Variants in IL1RAP observed in about 807,000 individuals in gnomAD.
IL1RAP encodes the protein interleukin 1 receptor accessory protein.
IL1RAP carries 35 observed loss-of-function variants against 60.7 expected under a neutral mutation model. The ratio of observed to expected loss-of-function variants is 0.58; its 90% CI spans 0.44 to 0.76. The LOEUF (loss-of-function observed/expected upper bound fraction) is 0.76, where lower values mean the gene tolerates loss of function less well. Ranked by LOEUF, IL1RAP falls within the 30% of genes least tolerant of loss-of-function variation. IL1RAP has a pLI of 0.00. For missense variants in IL1RAP, 572 were observed against 693.9 expected (o/e 0.82, Z 1.97); for synonymous variants, 268 against 250.9 (o/e 1.07, Z -0.64).
At position 190,564,289 on chromosome 3, in the gene IL1RAP, G is replaced by A. The variant is rs764268870; in HGVS notation, c.-1G>A. On this transcript the variant is annotated splice_region_variant and 5_prime_UTR_variant, in exon 3 of 12. Transcript: ENST00000447382. ...CTTACCTTTGTATTTATGGTTACAG[G>A]ATGACACTTCTGTGGTGTGTAGTGA... The A allele has an allele frequency of 1.9e-6, 3 of 1,603,756 alleles. No homozygotes were observed. Among genetic ancestry groups the A allele is most frequent in the Non-Finnish European group, 1.7e-6 (2 of 1,170,812 alleles).
chr3:190,622,670 A>G (rs945699620), intron 6 of IL1RAP, among the ~76,000 whole-genome samples: 3 of 152,198 alleles, frequency 2.0e-5, no homozygotes, highest in African/African-American at 7.2e-5. Context: ...ATTCAAATGA[A>G]CATCCAGCTG....
intron 9 of IL1RAP, among the ~76,000 whole-genome samples, chr3:190,638,369 C>A (rs1733390540): frequency 1.3e-5 from 2 of 152,122 alleles, no homozygotes; most frequent in Admixed American, 6.5e-5. Flanking sequence ...TCTCAAAATA[C>A]TGAGCACTTA....
At chr3:190,554,385 C>A (rs973887988) in intron 1 of IL1RAP, among the ~76,000 whole-genome samples, 2 of 152,302 alleles carry the variant, frequency 1.3e-5, no homozygotes, top group African/African-American at 4.8e-5. Context: ...GCTCCTCCCC[C>A]CTGCAAATGG....
In IL1RAP at chr3:190,643,010, A is replaced by G. The variant is rs116633400; in HGVS notation, c.1052-1238A>G. Among the ~76,000 whole-genome samples the G allele has an allele frequency of 7.0e-3, 1,060 of 152,340 alleles. 9 individuals carry two copies. The highest frequency in any genetic ancestry group is 0.024 in the African/African-American group (977 of 41,572). Reference sequence around the variant, plus strand: ...ACTTCTAAATATCCCAGAAGTGTAAAATCTTATATGTGGAAATGTTCATTG... The same window carrying G: ...ACTTCTAAATATCCCAGAAGTGTAAGATCTTATATGTGGAAATGTTCATTG... On this transcript the variant is annotated intron_variant, in intron 9 of 11. Coordinates refer to ENST00000447382, the MANE Select transcript of IL1RAP (RefSeq NM_002182.4).
At chr3:190,581,049 G>C (rs1245301515) in intron 3 of IL1RAP, among the ~76,000 whole-genome samples, 2 of 152,140 alleles carry the variant, frequency 1.3e-5, no homozygotes, top group Admixed American at 1.3e-4. Context: ...GTCTTCAGAG[G>C]ACTCAGCCCT....
Position 190,596,333 on chromosome 3 carries a change from C to G in IL1RAP, c.65-7795C>G, listed in dbSNP as rs909631361. 4.0e-5 allele frequency among the ~76,000 whole-genome samples: 6 copies of G among 151,480 alleles called. No individual in the cohort carries two copies. In the South Asian group the frequency reaches 1.3e-3, roughly 32 times the overall value. ...TGAGGATACATTTGGGACAAACATC[C>G]TAGCTCTATAGTCAGGCAGCTTTTT... On this transcript the variant is annotated intron_variant, in intron 3 of 11. Coordinates refer to ENST00000447382, the MANE Select transcript of IL1RAP (RefSeq NM_002182.4).
chr3:190,609,066 C>T lies in IL1RAP; in HGVS notation c.422C>T (p.Pro141Leu). The T allele has an allele frequency of 6.2e-7, 1 of 1,613,120 alleles. No individual in the cohort carries two copies. Among genetic ancestry groups the T allele is most frequent in the East Asian group, 2.2e-5 (1 of 44,810 alleles). Residue 141 changes from proline (P) to leucine (L), a missense_variant, in exon 5 of 12, where the codon CCC (proline) becomes CTC (leucine). By Grantham distance (98) the Pro-to-Leu change is moderately conservative. Transcript: ENST00000447382. ...VVQKDSCFNSPMKLPVHKLYI... is the reference protein window; with the variant it reads ...VVQKDSCFNSLMKLPVHKLYI... ...CAAAAAGACAGCTGTTTCAATTCCC[C>T]CATGAAACTCCCAGTGCATAAACTG...
At chr3:190,545,647 ATAT>A (rs1388593676) in intron 1 of IL1RAP, among the ~76,000 whole-genome samples, 5 of 152,348 alleles carry the variant, frequency 3.3e-5, no homozygotes, top group Admixed American at 2.0e-4. Flanking sequence ...TACAATGGAA[ATAT>A]TATGAGATTT....
intron 3 of IL1RAP, among the ~76,000 whole-genome samples, chr3:190,577,895 G>C (rs1410749729): frequency 6.6e-6 from 1 of 152,020 alleles, no homozygotes. Context: ...ATTATGTTTG[G>C]GTTTATTTCT....
At chr3:190,578,871 C>A (rs1329236756) in intron 3 of IL1RAP, among the ~76,000 whole-genome samples, 1 of 152,150 alleles carries the variant, frequency 6.6e-6, no homozygotes, top group East Asian at 1.9e-4. Context: ...TCTCATGAGA[C>A]TATCATGACA....
intron 9 of IL1RAP, among the ~76,000 whole-genome samples, chr3:190,637,173 ATTAAG>A (rs1560235722): frequency 6.6e-6 from 1 of 152,160 alleles, no homozygotes; most frequent in African/African-American, 2.4e-5. Flanking sequence ...ACTGTCTTCT[ATTAAG>A]TTAAGAACTG....
chr3:190,558,693 G>C (rs1337997810), intron 2 of IL1RAP, among the ~76,000 whole-genome samples: 1 of 151,956 alleles, frequency 6.6e-6, no homozygotes, highest in Admixed American at 6.6e-5. Context: ...ATGTCTTAGG[G>C]CTTTCTATTT....
At chr3:190,633,656 C>T (rs970141531) in intron 9 of IL1RAP, among the ~76,000 whole-genome samples, 1 of 152,050 alleles carries the variant, frequency 6.6e-6, no homozygotes, top group Non-Finnish European at 1.5e-5. Context: ...CCACCATGCC[C>T]GGCCTGTAAT....
intron 1 of IL1RAP, among the ~76,000 whole-genome samples, chr3:190,534,817 CT>C (rs1723292634): frequency 1.3e-5 from 2 of 151,346 alleles, no homozygotes; most frequent in African/African-American, 4.9e-5. Context: ...TGGGCCTTTA[CT>C]TCCCAAATAG....
chr3:190,656,398 G>T, downstream of IL1RAP: 1 of 1,537,260 alleles, frequency 6.5e-7, no homozygotes, highest in Non-Finnish European at 8.7e-7. Flanking sequence ...CTACTGTGAA[G>T]GAGAGAATCA....
At chr3:190,564,087 G>T in intron 2 of IL1RAP, 1 of 556,478 alleles carries the variant, frequency 1.8e-6, no homozygotes. Context: ...TGTAATATGG[G>T]AATTGAAAAA....
rs183408532 is a variant in IL1RAP, at chr3:190,579,159, G to T, written c.64+14806G>T. 4.1e-3 allele frequency among the ~76,000 whole-genome samples: 630 copies of T among 152,296 alleles called. 5 individuals are homozygous for T. The highest frequency in any genetic ancestry group is 0.015 in the African/African-American group (604 of 41,554). On this transcript the variant is annotated intron_variant, in intron 3 of 11. Transcript: ENST00000447382. The stretch of plus-strand genomic sequence containing the variant: ...CAGTACTACAGAACATAGTAAGCTA[G>T]TTATCAACATTTCCGTATCTGTAGG...
At position 190,648,536 on chromosome 3, in the gene IL1RAP, A is replaced by G. The variant is rs780276971; in HGVS notation, c.1544A>G (p.Lys515Arg). The G allele has an allele frequency of 3.7e-6, 6 of 1,614,166 alleles. No individual in the cohort carries two copies. In the South Asian group the frequency reaches 6.6e-5, roughly 18 times the overall value. ...AAGGAAACGAAGGTGAAAGAGCTGAAGAGGGCTAAGACGGTGCTCACGGTC... is the reference window on the plus strand; with the variant it reads ...AAGGAAACGAAGGTGAAAGAGCTGAGGAGGGCTAAGACGGTGCTCACGGTC... ...AVKETKVKEL[K>R]RAKTVLTVIK... is the part of the protein sequence containing the mutation. Residue 515 changes from lysine (K) to arginine (R), a missense_variant, in exon 12 of 12, where the codon AAG (lysine) becomes AGG (arginine). Transcript: ENST00000447382.
At chr3:190,659,063 G>A (rs905484341) in exon 12 of IL1RAP, 5 of 152,134 alleles carry the variant, frequency 3.3e-5, no homozygotes, top group East Asian at 1.9e-4. Flanking sequence ...TAATGTAAGC[G>A]GCTCCGAAGC....
Sources: gnomAD v4.1 joint callset for allele counts (sites outside exome capture counted in the v4.1 genomes callset) on GRCh38, gnomAD v4.1.1 for gene constraint, MANE v1.5 for transcripts, NCBI Gene and HGNC (gene_info 2026-07-23, HGNC 2026-07-21) for gene names.